Variants in CSNK2A2 observed in about 807,000 individuals in gnomAD.
CSNK2A2 encodes casein kinase II subunit alpha'.
In CSNK2A2, 8 loss-of-function variants were observed where a neutral mutation model predicts 54.0. The ratio of observed to expected loss-of-function variants is 0.15; its 90% CI spans 0.09 to 0.27. The LOEUF (loss-of-function observed/expected upper bound fraction) is 0.27. Ranked by LOEUF, CSNK2A2 falls within the 10% of genes least tolerant of loss-of-function variation. CSNK2A2 has a pLI of 1.00. For synonymous variants in CSNK2A2, 141 were observed against 153.9 expected (o/e 0.92, Z 0.62); for missense variants, 242 against 439.4 (o/e 0.55, Z 4.02).
Position 58,194,924 on chromosome 16 carries a change from T to TA in CSNK2A2, c.216+1808dup, listed in dbSNP as rs34830080. 2.5e-3 allele frequency among the ~76,000 whole-genome samples: 361 copies of TA among 145,502 alleles called. 1 individual carries two copies. The highest frequency in any genetic ancestry group is 7.5e-3 in the African/African-American group (295 of 39,256). Reference sequence around the variant, plus strand: ...TACACACACCTGAATGCTGTTCCTTTAAAAAAAAAAAAGCACCACAGAAAA... The same window carrying TA: ...TACACACACCTGAATGCTGTTCCTTTAAAAAAAAAAAAAGCACCACAGAAAA... On this transcript the variant is annotated intron_variant, in intron 2 of 11. Transcript: ENST00000262506.
chr16:58,189,144 A>G (rs1372343855), intron 2 of CSNK2A2, among the ~76,000 whole-genome samples: 1 of 152,040 alleles, frequency 6.6e-6, no homozygotes, highest in Non-Finnish European at 1.5e-5. Context: ...TTTTTAGTAG[A>G]GACGGGGTCT....
In CSNK2A2 at chr16:58,174,632, T is replaced by C. The variant is rs3736397; in HGVS notation, c.370-122A>G. ...TGACTAAGGAATCCCATGACTTTTT[T>C]ACTACCTGATCTGAAATAAATGGGA... is the stretch of plus-strand genomic sequence containing the variant. On this transcript the variant is annotated intron_variant, in intron 4 of 11. Transcript: ENST00000262506. 0.079 allele frequency: 46,976 copies of C among 592,136 alleles called. 2,378 individuals carry two copies. The highest frequency in any genetic ancestry group is 0.19 in the South Asian group (6,320 of 33,146). The allele number at this position is 592,136 out of a possible 1,614,324, so 36.7% of individuals were successfully genotyped here.
At chr16:58,179,005 ATAAT>A (rs1320082307) in intron 4 of CSNK2A2, among the ~76,000 whole-genome samples, 1 of 152,184 alleles carries the variant, frequency 6.6e-6, no homozygotes. Context: ...TACTGAAACA[ATAAT>A]TATAGAGAAA....
chr16:58,182,396 A>C lies in CSNK2A2; in HGVS notation c.369+1864T>G, dbSNP rs1173496669. On this transcript the variant is annotated intron_variant, in intron 4 of 11. Transcript: ENST00000262506. Reference sequence around the variant, plus strand: ...TACCAAAAAAAAAAAAAAAAAAAAAAAAAAAAAAACTAGCCAGGCGTGGTG... The same window carrying C: ...TACCAAAAAAAAAAAAAAAAAAAAACAAAAAAAAACTAGCCAGGCGTGGTG... Among the ~76,000 whole-genome samples the C allele has an allele frequency of 5.9e-4, 86 of 146,356 alleles. 1 individual carries two copies. Among genetic ancestry groups the C allele is most frequent in the Non-Finnish European group, 9.6e-4 (64 of 66,606 alleles).
At chr16:58,168,814 G>A in intron 5 of CSNK2A2, 121 bp from the exon 6 acceptor site, 1 of 720,046 alleles carries the variant, frequency 1.4e-6, no homozygotes, top group South Asian at 1.9e-5. Flanking sequence ...GCAGCTTGCT[G>A]CCTGTAATGA....
rs1184673012 is a variant in CSNK2A2, at chr16:58,197,923, G to A, written c.-187C>T. On this transcript the variant is annotated 5_prime_UTR_variant, in exon 1 of 12. Coordinates refer to ENST00000262506, the MANE Select transcript of CSNK2A2 (RefSeq NM_001896.4). The surrounding 1 kb of genome is among the most constrained non-coding windows in gnomAD (Gnocchi z 4.0). ...GGCGGGCGGGCTGGGGGCGCGGGGG[G>A]CGCCGGCCGAGCCGGCCCGGCCCTG... 4.9e-5 allele frequency: 7 copies of A among 141,712 alleles called. No homozygotes were observed. The highest frequency in any genetic ancestry group is 1.8e-4 in the African/African-American group (7 of 39,536). The allele number at this position is 141,712 out of a possible 1,614,324, so 8.8% of individuals were successfully genotyped here. A position where few individuals can be genotyped will look rare whatever the true frequency, so the allele number is the denominator to read the frequency against.
intron 6 of CSNK2A2, 88 bp downstream of exon 6, chr16:58,168,522 T>C: frequency 9.4e-7 from 1 of 1,062,842 alleles, no homozygotes; most frequent in Non-Finnish European, 1.4e-6. Flanking sequence ...CCACCACGGG[T>C]CTACAGAAAC....
chr16:58,184,321 G>A lies in CSNK2A2; in HGVS notation c.319-11C>T. 1 of 1,567,566 alleles carries A rather than the reference G, an allele frequency of 6.4e-7. No homozygotes were observed. Among genetic ancestry groups the A allele is most frequent in the Non-Finnish European group, 8.8e-7 (1 of 1,141,658 alleles). ...AGCTGGTGTCTTTGACTGTAAAAGA[G>A]AATATTAATGCTTTTTAAGTACCCA... is the stretch of plus-strand genomic sequence containing the variant. On this transcript the variant is annotated splice_polypyrimidine_tract_variant and intron_variant, in intron 3 of 11. Coordinates refer to ENST00000262506, the MANE Select transcript of CSNK2A2 (RefSeq NM_001896.4).
intron 3 of CSNK2A2, among the ~76,000 whole-genome samples, chr16:58,185,282 C>G (rs1231311177): frequency 6.6e-6 from 1 of 152,142 alleles, no homozygotes; most frequent in Non-Finnish European, 1.5e-5. Context: ...CAGTAGCAGC[C>G]ATGATTAAAA....
At chr16:58,186,522 G>A (rs1486014244) in intron 3 of CSNK2A2, among the ~76,000 whole-genome samples, 1 of 152,186 alleles carries the variant, frequency 6.6e-6, no homozygotes, top group African/African-American at 2.4e-5. Flanking sequence ...AAATAGTGAA[G>A]TACAAACCCA....
At chr16:58,164,181 G>A (rs753724595) in intron 10 of CSNK2A2, 34 bp from the exon 11 acceptor site, 1 of 1,604,546 alleles carries the variant, frequency 6.2e-7, no homozygotes, top group South Asian at 1.1e-5. Context: ...CAGGCAATCA[G>A]GGTGGTGAGT....
intron 5 of CSNK2A2, among the ~76,000 whole-genome samples, chr16:58,170,050 C>T (rs1453808939): frequency 1.3e-5 from 2 of 151,756 alleles, no homozygotes; most frequent in African/African-American, 4.8e-5. Flanking sequence ...AAAAAAAAAA[C>T]AATTATCATT....
At chr16:58,184,608 T>G (rs2142439855) in intron 3 of CSNK2A2, among the ~76,000 whole-genome samples, 1 of 152,348 alleles carries the variant, frequency 6.6e-6, no homozygotes, top group South Asian at 2.1e-4. Context: ...CATTTTTCAT[T>G]TACTTTTGAA....
At chr16:58,186,699 C>T in intron 3 of CSNK2A2, 56 bp downstream of exon 3, 1 of 1,251,016 alleles carries the variant, frequency 8.0e-7, no homozygotes, top group South Asian at 1.3e-5. Context: ...TGTTAAACAA[C>T]TCCCATATCC....
rs549269983 is a variant in CSNK2A2, at chr16:58,174,365, CT to C, written c.429+85del. On this transcript the variant is annotated intron_variant, in intron 5 of 11. Coordinates refer to ENST00000262506, the MANE Select transcript of CSNK2A2 (RefSeq NM_001896.4). ...AATCCTCTGGGTATCAAGAAACATT[CT>C]GCTTAAGTTCTCTTTGTTCTCTCAA... is the stretch of plus-strand genomic sequence containing the variant. 107 of 929,272 alleles carry C rather than the reference CT, an allele frequency of 1.2e-4. 2 individuals are homozygous for C. The East Asian group carries it at 2.7e-3, about 23-fold the overall frequency. The allele number at this position is 929,272 out of a possible 1,614,324, so 57.6% of individuals were successfully genotyped here.
At chr16:58,166,528 C>G (rs527941989) in intron 9 of CSNK2A2, 56 bp downstream of exon 9, 101 of 1,261,674 alleles carry the variant, frequency 8.0e-5, no homozygotes, top group Admixed American at 3.7e-4. Flanking sequence ...TTTGGCTAAC[C>G]TTTCCACTTC....
In CSNK2A2 at chr16:58,197,567, T is replaced by C; in HGVS notation, c.104+66A>G. ...GAGACACCACCGGGCCCGAGTGCGG[T>C]TCGCAGGGGGTGGCCGGGCGGGGGC... On this transcript the variant is annotated intron_variant, in intron 1 of 11. Coordinates refer to ENST00000262506, the MANE Select transcript of CSNK2A2 (RefSeq NM_001896.4). The surrounding 1 kb of genome is among the most constrained non-coding windows in gnomAD (Gnocchi z 4.0). 1 of 1,170,624 alleles carries C rather than the reference T, an allele frequency of 8.5e-7. No homozygotes were observed. The highest frequency in any genetic ancestry group is 3.1e-5 in the East Asian group (1 of 32,774). The allele number at this position is 1,170,624 out of a possible 1,614,324, so 72.5% of individuals were successfully genotyped here. A position where few individuals can be genotyped will look rare whatever the true frequency, so the allele number is the denominator to read the frequency against.
At chr16:58,191,115 G>A (rs998270173) in intron 2 of CSNK2A2, among the ~76,000 whole-genome samples, 3 of 152,184 alleles carry the variant, frequency 2.0e-5, no homozygotes, top group Admixed American at 2.0e-4. Context: ...AAATAATCCA[G>A]CCACAAAAGG....
At chr16:58,180,489 C>T (rs1216093719) in intron 4 of CSNK2A2, among the ~76,000 whole-genome samples, 1 of 151,238 alleles carries the variant, frequency 6.6e-6, no homozygotes, top group East Asian at 1.9e-4. Context: ...CAAGAAGAGA[C>T]AGAAAACCTG....
Sources: allele counts gnomAD v4.1 joint callset (sites outside exome capture counted in the v4.1 genomes callset), GRCh38; gene constraint gnomAD v4.1.1; non-coding constraint Gnocchi (gnomAD v3.1); transcripts MANE v1.5; gene names NCBI Gene and HGNC (gene_info 2026-07-23, HGNC 2026-07-21).